The following IFNAR2 variants were observed in gnomAD, a reference collection of about 807,000 sequenced individuals.
IFNAR2 encodes the protein interferon alpha/beta receptor 2.
In IFNAR2, 30 loss-of-function variants were observed where a neutral mutation model predicts 49.4. The ratio of observed to expected loss-of-function variants is 0.61; its 90% confidence interval spans 0.45 to 0.82. The LOEUF (loss-of-function observed/expected upper bound fraction) is 0.82, where lower values mean the gene tolerates loss of function less well. Ranked by LOEUF, IFNAR2 falls within the 40% of genes least tolerant of loss-of-function variation. IFNAR2 has a pLI of 0.00. For missense variants in IFNAR2, 600 were observed against 622.7 expected (o/e 0.96, Z 0.39); for synonymous variants, 224 against 234.5 (o/e 0.96, Z 0.41).
chr21:33,252,742 T>C lies in IFNAR2; in HGVS notation c.621T>C (p.Cys207=), dbSNP rs561170553. The C allele has an allele frequency of 5.0e-6, 8 of 1,613,506 alleles. No individual in the cohort carries two copies. Among genetic ancestry groups the C allele is most frequent in the Non-Finnish European group, 6.8e-6 (8 of 1,179,548 alleles). ...IDKLIPNTNY[C]VSVYLEHSDE... ...AGTTAATTCCAAACACGAACTACTG[T>C]GTATCTGTTTATTTAGAGCACAGTG... The change falls in exon 7 of 9, where the codon TGT becomes TGC. Residue 207 remains cysteine, a synonymous_variant. Transcript: ENST00000342136.
rs1299149420 is a variant in IFNAR2, at chr21:33,262,777, T to C, written c.841-16T>C. ...AGCTGATACGGACTCTCTCTCTCTTTTTTTTTTTTTTTAAGAATTTTCATA... is the reference window on the plus strand; with the variant it reads ...AGCTGATACGGACTCTCTCTCTCTTCTTTTTTTTTTTTAAGAATTTTCATA... On this transcript the variant is annotated splice_polypyrimidine_tract_variant and intron_variant, in intron 8 of 8. Transcript: ENST00000342136. 9 of 1,516,570 alleles carry C rather than the reference T, an allele frequency of 5.9e-6. No homozygotes were observed. Among genetic ancestry groups the C allele is most frequent in the Middle Eastern group, 1.8e-4 (1 of 5,646 alleles). 93.9% of individuals were successfully genotyped at this position (1,516,570 alleles called of 1,614,324 possible). A position where few individuals can be genotyped will look rare whatever the true frequency, so the allele number is the denominator to read the frequency against.
chr21:33,246,646 A>C, intron 4 of IFNAR2, 72 bp from the exon 5 acceptor site: 1 of 1,142,734 alleles, frequency 8.8e-7, no homozygotes. Context: ...ACAATGAAGT[A>C]AGGCGCCCAA....
chr21:33,242,855 C>G (rs1054180216), intron 2 of IFNAR2, among the ~76,000 whole-genome samples: 2 of 150,248 alleles, frequency 1.3e-5, no homozygotes, highest in African/African-American at 2.4e-5. Flanking sequence ...AGGGTGTGAG[C>G]TCAGCTCACT....
intron 1 of IFNAR2, among the ~76,000 whole-genome samples, chr21:33,236,074 G>A (rs898022495): frequency 6.6e-6 from 1 of 152,140 alleles, no homozygotes; most frequent in African/African-American, 2.4e-5. Flanking sequence ...GTACTTTACA[G>A]CACATCTTGG....
intron 8 of IFNAR2, among the ~76,000 whole-genome samples, chr21:33,261,610 C>T (rs911074656): frequency 6.6e-6 from 1 of 152,324 alleles, no homozygotes; most frequent in African/African-American, 2.4e-5. Flanking sequence ...CACAGTGGCT[C>T]ACGCCTGTAA....
rs928391820 is a variant in IFNAR2 at position 33,263,602 on chromosome 21, G to A, written c.*102G>A. ...TATCGTCTGCAAGTGTTCTCCAAGG[G>A]AAGGAGGAGGAAACTGTGGTGTTCC... On this transcript the variant is annotated 3_prime_UTR_variant, in exon 9 of 9. Transcript: ENST00000342136. 1.1e-4 allele frequency: 119 copies of A among 1,102,124 alleles called. No individual in the cohort carries two copies. Among genetic ancestry groups the A allele is most frequent in the Non-Finnish European group, 1.4e-4 (108 of 788,534 alleles). 68.3% of individuals were successfully genotyped at this position (1,102,124 alleles called of 1,614,324 possible). A position where few individuals can be genotyped will look rare whatever the true frequency, so the allele number is the denominator to read the frequency against.
chr21:33,236,677 G>A (rs1469803038), intron 1 of IFNAR2: 1 of 985,218 alleles, frequency 1.0e-6, no homozygotes, highest in Non-Finnish European at 1.2e-6. Flanking sequence ...GACAGGGCCT[G>A]GGATTCCTCT....
chr21:33,235,813 C>G (rs1204337870), intron 1 of IFNAR2, among the ~76,000 whole-genome samples: 1 of 152,054 alleles, frequency 6.6e-6, no homozygotes, highest in East Asian at 1.9e-4. Flanking sequence ...GTAGTCCCAG[C>G]TACTCTGGAG....
chr21:33,235,643 T>C (rs972438455), intron 1 of IFNAR2, among the ~76,000 whole-genome samples: 4 of 152,144 alleles, frequency 2.6e-5, no homozygotes, highest in Non-Finnish European at 5.9e-5. Context: ...AGTAAAAAAA[T>C]AGGCCGGGCA....
At chr21:33,260,873 C>T (rs576142124) in intron 8 of IFNAR2, 146 bp downstream of exon 8, 1 of 543,268 alleles carries the variant, frequency 1.8e-6, no homozygotes, top group Admixed American at 3.8e-5. Flanking sequence ...AGTTCTTTTC[C>T]ATATCTATAA....
intron 7 of IFNAR2, among the ~76,000 whole-genome samples, chr21:33,255,825 C>G (rs934753599): frequency 6.6e-5 from 10 of 152,140 alleles, no homozygotes; most frequent in African/African-American, 2.4e-4. Context: ...TAGGGACCAG[C>G]CCTCATCCTG....
At chr21:33,246,676 C>G (rs1987433346) in intron 4 of IFNAR2, 42 bp from the exon 5 acceptor site, 1 of 1,538,748 alleles carries the variant, frequency 6.5e-7, no homozygotes, top group Admixed American at 1.8e-5. Flanking sequence ...CTCATTACAT[C>G]AATGCTAACA....
At chr21:33,247,288 G>A (rs1194680509) in intron 5 of IFNAR2, among the ~76,000 whole-genome samples, 1 of 127,248 alleles carries the variant, frequency 7.9e-6, no homozygotes, top group Non-Finnish European at 1.6e-5. Context: ...GTTTCACTCT[G>A]TCACCTAGGC....
rs1429179766 is a variant in IFNAR2, at chr21:33,242,766, T to TGC, written c.55+790_55+791insCG. On this transcript the variant is annotated intron_variant, in intron 2 of 8. Transcript: ENST00000342136. ...AAAAAAAATCTCGTGTGCGTGTGTG[T>TGC]GTGTGTGTGTGTGTGTGTGTGTGTG... 2.6e-4 allele frequency among the ~76,000 whole-genome samples: 3 copies of TGC among 11,360 alleles called. 1 individual carries two copies. Among genetic ancestry groups the TGC allele is most frequent in the Non-Finnish European group, 6.1e-4 (3 of 4,918 alleles). 7.5% of individuals were successfully genotyped at this position (11,360 alleles called of 152,430 possible). A position where few individuals can be genotyped will look rare whatever the true frequency, so the allele number is the denominator to read the frequency against.
At chr21:33,250,152 T>C (rs1485526732) in intron 6 of IFNAR2, among the ~76,000 whole-genome samples, 2 of 152,182 alleles carry the variant, frequency 1.3e-5, no homozygotes, top group Non-Finnish European at 2.9e-5. Context: ...TTTCTTTTAA[T>C]ATCGACATGG....
chr21:33,262,868 T>C lies in IFNAR2; in HGVS notation c.916T>C (p.Tyr306His), dbSNP rs368174012. 6.2e-7 allele frequency: 1 copy of C among 1,613,948 alleles called. No homozygotes were observed. Among genetic ancestry groups the C allele is most frequent in the Non-Finnish European group, 8.5e-7 (1 of 1,180,004 alleles). Residue 306 changes from tyrosine (Y) to histidine (H), a missense_variant, in exon 9 of 9, where the codon TAC (tyrosine) becomes CAC (histidine). Coordinates refer to ENST00000342136, the MANE Select transcript of IFNAR2 (RefSeq NM_001289125.3). Reference sequence around the variant, plus strand: ...AGCCATGGATATGGTGGAGGTCATTTACATCAACAGAAAGAAGAAAGTGTG... The same window carrying C: ...AGCCATGGATATGGTGGAGGTCATTCACATCAACAGAAAGAAGAAAGTGTG... ...LEAMDMVEVIYINRKKKVWDY... is the reference protein window; with the variant it reads ...LEAMDMVEVIHINRKKKVWDY...
Position 33,241,944 on chromosome 21 carries a change from T to G in IFNAR2, c.22T>G (p.Phe8Val), listed in dbSNP as rs1451529794. 3 of 1,612,876 alleles carry G rather than the reference T, an allele frequency of 1.9e-6. No homozygotes were observed. The South Asian group carries it at 3.3e-5, about 18-fold the overall frequency. The stretch of plus-strand genomic sequence containing the variant: ...AAAGATGCTTTTGAGCCAGAATGCC[T>G]TCATCTTCAGATCACTTAATTTGGT... MLLSQNAFIFRSLNLVLM... is the reference protein window; with the variant it reads MLLSQNAVIFRSLNLVLM... Residue 8 changes from phenylalanine (F) to valine (V), a missense_variant, in exon 2 of 9, where the codon TTC becomes GTC. Physicochemically the swap from Phe to Val is conservative, Grantham distance 50. Transcript: ENST00000342136.
chr21:33,230,619 G>T lies in IFNAR2; in HGVS notation c.-84+403G>T, dbSNP rs1985983243. Reference sequence around the variant, plus strand: ...AGGTCCACCCCGCCTTGCAAAACCGGCTCACCAGCTGGGTGCTCAGGTTCG... The same window carrying T: ...AGGTCCACCCCGCCTTGCAAAACCGTCTCACCAGCTGGGTGCTCAGGTTCG... On this transcript the variant is annotated intron_variant, in intron 1 of 8. Transcript: ENST00000342136. The surrounding 1 kb of genome is among the most constrained non-coding windows in gnomAD (Gnocchi z 5.5). 2 of 469,792 alleles carry T rather than the reference G, an allele frequency of 4.3e-6. No individual in the cohort carries two copies. The highest frequency in any genetic ancestry group is 4.7e-5 in the Admixed American group (2 of 42,400). 29.1% of individuals were successfully genotyped at this position (469,792 alleles called of 1,614,324 possible). A position where few individuals can be genotyped will look rare whatever the true frequency, so the allele number is the denominator to read the frequency against.
intron 7 of IFNAR2, among the ~76,000 whole-genome samples, chr21:33,259,835 T>A (rs1027654577): frequency 1.3e-5 from 2 of 152,218 alleles, no homozygotes; most frequent in African/African-American, 2.4e-5. Context: ...TTACTGAACT[T>A]CTTTCTATTC....
Sources: gnomAD v4.1 joint callset for allele counts (sites outside exome capture counted in the v4.1 genomes callset) on GRCh38, gnomAD v4.1.1 for gene constraint, Gnocchi (gnomAD v3.1) non-coding constraint, MANE v1.5 for transcripts, NCBI Gene and HGNC (gene_info 2026-07-23, HGNC 2026-07-21) for gene names.